AMBRA1: variants seen among roughly 807,000 people sequenced by gnomAD.
AMBRA1 encodes the protein activating molecule in BECN1-regulated autophagy protein 1.
Under a neutral mutation model 125.4 loss-of-function variants are expected in AMBRA1, and 47 were observed. The observed-to-expected ratio is 0.37, with a 90% CI of 0.30 to 0.48. The LOEUF (loss-of-function observed/expected upper bound fraction) is 0.48. Among genes scored for constraint, AMBRA1 ranks in the 20% least tolerant of loss-of-function variants. AMBRA1 has a pLI of 0.99. For missense variants in AMBRA1, 1,331 were observed against 1,693.4 expected, an observed-to-expected ratio of 0.79 and a Z score of 3.76; for synonymous variants, 626 against 655.5, an observed-to-expected ratio of 0.95 and a Z score of 0.69.
chr11:46,565,802 C>G (rs1210940101), intron 1 of AMBRA1, among the ~76,000 whole-genome samples: 1 of 151,982 alleles, frequency 6.6e-6, no homozygotes. Flanking sequence ...AGGGGTCTCC[C>G]TCTGTCGCCC....
At chr11:46,523,891 A>G (rs1407463660) in intron 7 of AMBRA1, among the ~76,000 whole-genome samples, 1 of 150,586 alleles carries the variant, frequency 6.6e-6, no homozygotes, top group East Asian at 1.9e-4. Flanking sequence ...ATTTTGAGAT[A>G]GAGTTTCGCT....
intron 9 of AMBRA1, among the ~76,000 whole-genome samples, chr11:46,496,206 T>A (rs1412103971): frequency 1.3e-5 from 2 of 151,576 alleles, no homozygotes; most frequent in African/African-American, 4.8e-5. Flanking sequence ...AAACCCTGTC[T>A]CTACTAAGAA....
intron 14 of AMBRA1, among the ~76,000 whole-genome samples, chr11:46,418,611 T>C (rs1212738411): frequency 6.6e-6 from 1 of 151,672 alleles, no homozygotes; most frequent in East Asian, 1.9e-4. Context: ...CCAAGTGTTC[T>C]CATTGTTCAG....
chr11:46,464,240 G>A (rs143546176), intron 11 of AMBRA1, among the ~76,000 whole-genome samples: 364 of 152,278 alleles, frequency 2.4e-3, no homozygotes, highest in African/African-American at 8.3e-3. Context: ...TCATCAGGAC[G>A]CCCTGTGAGC....
At chr11:46,423,827 G>A (rs1411531088) in intron 14 of AMBRA1, among the ~76,000 whole-genome samples, 3 of 134,132 alleles carry the variant, frequency 2.2e-5, no homozygotes, top group East Asian at 4.4e-4. Context: ...GCAGTGGCAC[G>A]ATATCAGCTC....
At chr11:46,566,448 T>A (rs566000786) in intron 1 of AMBRA1, among the ~76,000 whole-genome samples, 5 of 152,116 alleles carry the variant, frequency 3.3e-5, no homozygotes, top group African/African-American at 1.2e-4. Flanking sequence ...GAGCTATTGA[T>A]AATATAACTT....
intron 12 of AMBRA1, among the ~76,000 whole-genome samples, chr11:46,441,640 G>T (rs1440818505): frequency 1.3e-5 from 2 of 152,156 alleles, no homozygotes; most frequent in Non-Finnish European, 2.9e-5. Context: ...AAACCATAGG[G>T]TAAGCTAATA....
At chr11:46,593,668 G>C (rs1243225178) in intron 1 of AMBRA1, among the ~76,000 whole-genome samples, 160 bp downstream of exon 1, 1 of 152,158 alleles carries the variant, frequency 6.6e-6, no homozygotes, top group African/African-American at 2.4e-5. Flanking sequence ...CTCGGTTCCG[G>C]GCTGCCCCTC....
intron 14 of AMBRA1, chr11:46,428,530 T>G: frequency 1.2e-6 from 1 of 866,754 alleles, no homozygotes; most frequent in Non-Finnish European, 1.8e-6. Flanking sequence ...AAGTTCCTAG[T>G]GCCTCTAGGA....
At chr11:46,474,237 A>C (rs1949721656) in intron 11 of AMBRA1, among the ~76,000 whole-genome samples, 1 of 152,182 alleles carries the variant, frequency 6.6e-6, no homozygotes, top group Non-Finnish European at 1.5e-5. Context: ...TGGTTGATTA[A>C]TTTCATTATT....
intron 1 of AMBRA1, among the ~76,000 whole-genome samples, chr11:46,579,031 C>A: frequency 7.5e-6 from 1 of 132,560 alleles, no homozygotes; most frequent in Non-Finnish European, 1.6e-5. Flanking sequence ...GCAACAATGA[C>A]CACAAGAAAG....
intron 7 of AMBRA1, among the ~76,000 whole-genome samples, chr11:46,525,091 G>A (rs1591029404): frequency 6.6e-6 from 1 of 152,138 alleles, no homozygotes; most frequent in East Asian, 1.9e-4. Flanking sequence ...CTTGAGCCCA[G>A]GAGTTCGAGA....
intron 12 of AMBRA1, among the ~76,000 whole-genome samples, chr11:46,440,860 T>C (rs2136740609): frequency 6.6e-6 from 1 of 152,224 alleles, no homozygotes; most frequent in Non-Finnish European, 1.5e-5. Flanking sequence ...ACAGAGAATA[T>C]CTTAATTATT....
chr11:46,550,605 CATT>C (rs1314635633), intron 1 of AMBRA1, among the ~76,000 whole-genome samples: 1 of 152,092 alleles, frequency 6.6e-6, no homozygotes, highest in Non-Finnish European at 1.5e-5. Flanking sequence ...CTAATTCTAT[CATT>C]ATTTCTACAT....
chr11:46,498,035 G>A (rs540664618), intron 9 of AMBRA1, among the ~76,000 whole-genome samples: 3 of 152,266 alleles, frequency 2.0e-5, no homozygotes, highest in Admixed American at 6.5e-5. Flanking sequence ...ACTCACTTCC[G>A]TGCTGATACA....
intron 1 of AMBRA1, among the ~76,000 whole-genome samples, chr11:46,549,899 ACCTCTGC>A (rs2042939643): frequency 6.6e-6 from 1 of 151,970 alleles, no homozygotes; most frequent in South Asian, 2.1e-4. Flanking sequence ...GCTCACTGCA[ACCTCTGC>A]CTCCTGGGTT....
intron 11 of AMBRA1, among the ~76,000 whole-genome samples, chr11:46,457,914 A>C (rs1948924898): frequency 6.6e-6 from 1 of 151,938 alleles, no homozygotes; most frequent in Non-Finnish European, 1.5e-5. Context: ...GCAAAAAAAA[A>C]AAAAAAAAGA....
At chr11:46,577,349 G>T (rs887936943) in intron 1 of AMBRA1, among the ~76,000 whole-genome samples, 4 of 152,148 alleles carry the variant, frequency 2.6e-5, no homozygotes, top group African/African-American at 9.7e-5. Context: ...CTAAGTCAAA[G>T]AAGCCAGACA....
chr11:46,401,160 C>T (rs557092496), intron 17 of AMBRA1, among the ~76,000 whole-genome samples: 24 of 152,298 alleles, frequency 1.6e-4, no homozygotes, highest in South Asian at 1.0e-3. Flanking sequence ...CTGAAGCCCT[C>T]GCAGCATGGT....
Sources: gnomAD v4.1 joint callset for allele counts (sites outside exome capture counted in the v4.1 genomes callset) on GRCh38, gnomAD v4.1.1 for gene constraint, MANE v1.5 for transcripts, NCBI Gene and HGNC (gene_info 2026-07-23, HGNC 2026-07-21) for gene names.